The following BICD1 variants were observed in gnomAD, a reference collection of about 807,000 sequenced individuals.
The protein encoded by BICD1 is BICD cargo adaptor 1, also known as protein bicaudal D homolog 1.
In BICD1, 35 loss-of-function variants were observed where a neutral mutation model predicts 92.5. The observed-to-expected ratio is 0.38, with a 90% CI of 0.29 to 0.50. BICD1 has a LOEUF of 0.50. Ranked by LOEUF, BICD1 falls within the 20% of genes least tolerant of loss-of-function variation. BICD1 has a pLI of 0.93. For missense variants in BICD1, 950 were observed against 1,189.8 expected, an observed-to-expected ratio of 0.80 and a Z score of 2.97; for synonymous variants, 429 against 465.1, an observed-to-expected ratio of 0.92 and a Z score of 1.00.
At chr12:32,320,981 A>C (rs1374080066) in intron 4 of BICD1, among the ~76,000 whole-genome samples, 1 of 152,224 alleles carries the variant, frequency 6.6e-6, no homozygotes, top group African/African-American at 2.4e-5. Flanking sequence ...AATGTATAGT[A>C]ATTTTAAGCT....
Position 32,215,975 on chromosome 12 carries a change from A to AAAG in BICD1, c.214-272_214-271insAAG, listed in dbSNP as rs1555148835. 8.3e-4 allele frequency among the ~76,000 whole-genome samples: 119 copies of AAAG among 144,004 alleles called. 2 individuals are homozygous for AAAG. Among genetic ancestry groups the AAAG allele is most frequent in the East Asian group, 5.2e-3 (24 of 4,626 alleles). The allele number at this position is 144,004 out of a possible 152,430, so 94.5% of individuals were successfully genotyped here. A position where few individuals can be genotyped will look rare whatever the true frequency, so the allele number is the denominator to read the frequency against. On this transcript the variant is annotated intron_variant, in intron 1 of 9. Transcript: ENST00000652176. ...TCTCAAAAAAAAAAAAAAAAAAAAAAGGAGAACATAAAGCAAGTAACAATG... is the reference window on the plus strand; with the variant it reads ...TCTCAAAAAAAAAAAAAAAAAAAAAAAAGGGAGAACATAAAGCAAGTAACAATG...
chr12:32,331,076 G>A (rs4316592), intron 5 of BICD1, among the ~76,000 whole-genome samples: 33,491 of 151,804 alleles, frequency 0.22, 4,186 homozygotes, highest in East Asian at 0.6. Context: ...CGGAGGTTGC[G>A]GTGAGCCTAG....
chr12:32,338,555 G>T, intron 7 of BICD1: 1 of 395,398 alleles, frequency 2.5e-6, no homozygotes. Context: ...TTCTATTTGC[G>T]GTTCAAGCTG....
rs1297620485 is a variant in BICD1, at chr12:32,374,212, C to CA, written c.2841-3317dup. Among the ~76,000 whole-genome samples the CA allele has an allele frequency of 2.5e-3, 267 of 106,598 alleles. 2 individuals carry two copies. In the South Asian group the frequency reaches 0.033, roughly 13 times the overall value. 69.9% of individuals were successfully genotyped at this position (106,598 alleles called of 152,430 possible). On this transcript the variant is annotated intron_variant, in intron 9 of 9. Transcript: ENST00000652176. Reference sequence around the variant, plus strand: ...CTGGGCGACAAAGTGAGATTCTGCTCAAAAAAAAAAAGAAAAGAAAAGAAA... The same window carrying CA: ...CTGGGCGACAAAGTGAGATTCTGCTCAAAAAAAAAAAAGAAAAGAAAAGAAA...
intron 1 of BICD1, among the ~76,000 whole-genome samples, chr12:32,182,885 TCTTTC>T (rs1944316752): frequency 4.1e-4 from 51 of 124,458 alleles, no homozygotes; most frequent in Middle Eastern, 7.9e-3. Context: ...TTCTTTTCTT[TCTTTC>T]TTTTTTTTTT....
chr12:32,112,285 C>T (rs1402412549), intron 1 of BICD1, among the ~76,000 whole-genome samples: 4 of 152,168 alleles, frequency 2.6e-5, no homozygotes, highest in East Asian at 3.8e-4. Context: ...GGATTACAGG[C>T]GTGAGCCCCC....
chr12:32,339,230 A>G, intron 8 of BICD1: 2 of 1,204,842 alleles, frequency 1.7e-6, no homozygotes, highest in Non-Finnish European at 2.1e-6. Flanking sequence ...GGGATAGGTA[A>G]AGGGAAATTA....
At chr12:32,181,598 A>G (rs559265936) in intron 1 of BICD1, among the ~76,000 whole-genome samples, 1 of 152,098 alleles carries the variant, frequency 6.6e-6, no homozygotes, top group African/African-American at 2.4e-5. Flanking sequence ...AATGCAATAA[A>G]ACAGCTGGTT....
intron 3 of BICD1, among the ~76,000 whole-genome samples, chr12:32,296,294 C>T (rs1239580): frequency 0.46 from 64,460 of 139,298 alleles, 15,761 homozygotes; most frequent in Middle Eastern, 0.57. Context: ...AGTCTCGCTC[C>T]GTCACCAGGC....
chr12:32,116,510 C>CTCTCTATATATA (rs1233964108), intron 1 of BICD1, among the ~76,000 whole-genome samples: 15 of 104,406 alleles, frequency 1.4e-4, no homozygotes, highest in East Asian at 3.3e-4. Context: ...CTCTCTCTCT[C>CTCTCTATATATA]TATATATATA....
At chr12:32,318,786 G>A (rs929342587) in intron 4 of BICD1, among the ~76,000 whole-genome samples, 11 of 152,128 alleles carry the variant, frequency 7.2e-5, no homozygotes, top group East Asian at 3.9e-4. Flanking sequence ...CCTGGGAGGC[G>A]GAGGTTGCAG....
chr12:32,378,356 A>AT lies in BICD1; in HGVS notation c.*731dup, dbSNP rs1393152123. 3 of 152,254 alleles carry AT rather than the reference A, an allele frequency of 2.0e-5. No individual in the cohort carries two copies. The East Asian group carries it at 5.8e-4, about 29-fold the overall frequency. The allele number at this position is 152,254 out of a possible 1,614,324, so 9.4% of individuals were successfully genotyped here. Reference sequence around the variant, plus strand: ...TTTTAACTAGAGTTCTTCACTGGACATTACTAAGTAAATCTAAGAAAGAGA... The same window carrying AT: ...TTTTAACTAGAGTTCTTCACTGGACATTTACTAAGTAAATCTAAGAAAGAGA... On this transcript the variant is annotated 3_prime_UTR_variant, in exon 10 of 10. Coordinates refer to ENST00000652176, the MANE Select transcript of BICD1 (RefSeq NM_001714.4).
intron 2 of BICD1, among the ~76,000 whole-genome samples, chr12:32,278,334 TTTTGCATC>T: frequency 1.3e-5 from 2 of 152,342 alleles, no homozygotes; most frequent in Middle Eastern, 6.8e-3. Context: ...CATTATGGTG[TTTTGCATC>T]TTTGAATTTT....
At chr12:32,307,164 T>C (rs780505720) in intron 4 of BICD1, among the ~76,000 whole-genome samples, 46 of 152,234 alleles carry the variant, frequency 3.0e-4, no homozygotes, top group Non-Finnish European at 5.7e-4. Flanking sequence ...TCCAGATTTA[T>C]GGTTACATTT....
At chr12:32,349,089 T>G (rs1448386885) in intron 8 of BICD1, among the ~76,000 whole-genome samples, 3 of 152,080 alleles carry the variant, frequency 2.0e-5, no homozygotes, top group Admixed American at 2.0e-4. Context: ...TAACATTCCC[T>G]TGCCTTCATA....
At chr12:32,134,842 A>G (rs2593989) in intron 1 of BICD1, among the ~76,000 whole-genome samples, 121,277 of 152,164 alleles carry the variant, frequency 0.8, 48,416 homozygotes, top group Middle Eastern at 0.88. Context: ...TTGCAAGCTG[A>G]TATCCCGTGG....
In BICD1 at chr12:32,383,462, T is replaced by C. The variant is rs1156841914; in HGVS notation, c.*5835T>C. 2.0e-5 allele frequency: 3 copies of C among 152,194 alleles called. No individual in the cohort carries two copies. Among genetic ancestry groups the C allele is most frequent in the Non-Finnish European group, 2.9e-5 (2 of 68,008 alleles). 9.4% of individuals were successfully genotyped at this position (152,194 alleles called of 1,614,324 possible). A position where few individuals can be genotyped will look rare whatever the true frequency, so the allele number is the denominator to read the frequency against. On this transcript the variant is annotated 3_prime_UTR_variant, in exon 10 of 10. Transcript: ENST00000652176. ...TGGGAGAACACATGATATGTGCTTGTATTTGTGTAATCTGATCATGCACTC... is the reference window on the plus strand; with the variant it reads ...TGGGAGAACACATGATATGTGCTTGCATTTGTGTAATCTGATCATGCACTC...
At chr12:32,200,242 C>T (rs1411310658) in intron 1 of BICD1, among the ~76,000 whole-genome samples, 1 of 152,198 alleles carries the variant, frequency 6.6e-6, no homozygotes, top group Admixed American at 6.5e-5. Context: ...GTTGGGAAAG[C>T]TTTAGGCTGA....
chr12:32,362,736 CCTAA>C lies in BICD1; in HGVS notation c.2765-4931_2765-4928del, dbSNP rs1689196182. Among the ~76,000 whole-genome samples the C allele has an allele frequency of 2.6e-5, 4 of 152,286 alleles. No individual in the cohort carries two copies. In the South Asian group the frequency reaches 8.3e-4, roughly 32 times the overall value. On this transcript the variant is annotated intron_variant, in intron 8 of 9. Transcript: ENST00000652176. ...AATTTAAATCCTTGTTCCGCCACTT[CCTAA>C]CTGTGTGACCTTGGGCAAGTTAATA...
Sources: allele counts gnomAD v4.1 joint callset (sites outside exome capture counted in the v4.1 genomes callset), GRCh38; gene constraint gnomAD v4.1.1; transcripts MANE v1.5; gene names NCBI Gene and HGNC (gene_info 2026-07-23, HGNC 2026-07-21).